Variants in ATG9B observed in about 807,000 individuals in gnomAD.
The protein encoded by ATG9B is autophagy related 9B, also known as autophagy-related protein 9B.
Under a neutral mutation model 92.9 loss-of-function variants are expected in ATG9B, and 92 were observed. The observed-to-expected ratio is 0.99, with a 90% CI of 0.84 to 1.18. The LOEUF is 1.18. Ranked by LOEUF, ATG9B falls within the 50% of genes most tolerant of loss-of-function variation. ATG9B has a pLI of 0.00. For synonymous variants in ATG9B, 599 were observed against 551.4 expected (o/e 1.09, Z -1.21); for missense variants, 1,344 against 1,235.0 (o/e 1.09, Z -1.32).
At position 151,019,207 on chromosome 7, in the gene ATG9B, C is replaced by CA; in HGVS notation, c.1130dup (p.Pro378AlafsTer87). The CA allele has an allele frequency of 1.3e-6, 2 of 1,539,748 alleles. No individual in the cohort carries two copies. The highest frequency in any genetic ancestry group is 1.7e-6 in the Non-Finnish European group (2 of 1,147,816). On this transcript the variant is annotated frameshift_variant, in exon 6 of 14. Transcript: ENST00000639579. LOFTEE classifies it high-confidence loss of function. ...CCCAGGGCAGCGGGCAGCGGGCCGG[C>CA]AGCAGGCCTTTGTTGGCCAGCGCCA...
chr7:151,021,236 G>C lies in ATG9B; in HGVS notation c.915C>G (p.Ser305Arg). ...QLLRSVCNLFSYWDIQVFYRE... is the reference protein window; with the variant it reads ...QLLRSVCNLFRYWDIQVFYRE... ...TGTAAAACACCTGGATGTCCCAGTA[G>C]CTGAAGAGGTTGCAGACTGAGCGAA... The change falls in exon 5 of 14, where the codon AGC becomes AGG. Residue 305 changes from serine to arginine, a missense_variant. Ser to Arg is a moderately radical substitution (Grantham distance 110, BLOSUM62 -1). Transcript: ENST00000639579. The C allele has an allele frequency of 6.2e-7, 1 of 1,613,576 alleles. No homozygotes were observed. The highest frequency in any genetic ancestry group is 8.5e-7 in the Non-Finnish European group (1 of 1,179,942).
chr7:151,023,263 G>T, intron 3 of ATG9B, 57 bp from the exon 4 acceptor site: 1 of 1,611,438 alleles, frequency 6.2e-7, no homozygotes, highest in Non-Finnish European at 8.5e-7. Context: ...CAGCCAGGTG[G>T]GCTCCTGCCC....
At chr7:151,013,440 C>G, downstream of ATG9B, 11 of 1,549,816 alleles carry the variant, frequency 7.1e-6, no homozygotes, top group Non-Finnish European at 8.7e-6. Context: ...AGGACTCGCG[C>G]TCTCCAGCGG....
chr7:151,018,276 C>A lies in ATG9B; in HGVS notation c.1872+18G>T, dbSNP rs764404748. 53 of 1,521,432 alleles carry A rather than the reference C, an allele frequency of 3.5e-5. 1 individual carries two copies. The South Asian group carries it at 6.1e-4, about 17-fold the overall frequency. 94.2% of individuals were successfully genotyped at this position (1,521,432 alleles called of 1,614,324 possible). ...CCCCACAACTTCCTCCTCAGCCCGC[C>A]GTCGCGCCCACCCTCACCGCTCGGT... On this transcript the variant is annotated intron_variant, in intron 7 of 13. Coordinates refer to ENST00000639579, the MANE Select transcript of ATG9B (RefSeq NM_001317056.2). The surrounding 1 kb of genome is among the most constrained non-coding windows in gnomAD (Gnocchi z 4.7).
At position 151,023,852 on chromosome 7, in the gene ATG9B, CCACCCA is replaced by C; in HGVS notation, c.550+16_550+21del. The C allele has an allele frequency of 6.2e-7, 1 of 1,609,880 alleles. No homozygotes were observed. The highest frequency in any genetic ancestry group is 8.5e-7 in the Non-Finnish European group (1 of 1,177,918). On this transcript the variant is annotated intron_variant, in intron 1 of 13. Coordinates refer to ENST00000639579, the MANE Select transcript of ATG9B (RefSeq NM_001317056.2). ...GCTCCCAGGCACCACTAACCCTCTC[CCACCCA>C]CACCCACACACATACCTCGGAGCCC...
Position 151,017,168 on chromosome 7 carries a change from G to A in ATG9B, c.2157C>T (p.Arg719=), listed in dbSNP as rs752808488. The change falls in exon 9 of 14, where the codon CGC becomes CGT. Residue 719 remains arginine (R), a synonymous_variant. Coordinates refer to ENST00000639579, the MANE Select transcript of ATG9B (RefSeq NM_001317056.2). ...MRFSLAHPLW[R]PPGHSSKFLG... ...GAAACTTAGAGCTGTGCCCTGGGGG[G>A]CGCCAGAGTGGATGCGCCAGGGAGA... 1 of 1,613,180 alleles carries A rather than the reference G, an allele frequency of 6.2e-7. No individual in the cohort carries two copies. The highest frequency in any genetic ancestry group is 8.5e-7 in the Non-Finnish European group (1 of 1,179,822).
At chr7:151,013,542 G>A (rs1795356551), downstream of ATG9B, 2 of 1,116,690 alleles carry the variant, frequency 1.8e-6, no homozygotes, top group South Asian at 3.2e-5. Flanking sequence ...GCCCCTCTAG[G>A]CCCGCCTCCT....
At chr7:151,014,352 C>T (rs942708871), downstream of ATG9B, 2 of 679,164 alleles carry the variant, frequency 2.9e-6, no homozygotes, top group African/African-American at 1.8e-5. Flanking sequence ...CTCTCTAGGC[C>T]TGTTGCCTCG....
At chr7:151,013,921 G>A (rs774606332), downstream of ATG9B, 14 of 1,598,386 alleles carry the variant, frequency 8.8e-6, no homozygotes, top group African/African-American at 1.9e-4. Flanking sequence ...TGCTGCGGGT[G>A]CGGAGGGGCG....
At chr7:151,022,984 G>T in intron 4 of ATG9B, 61 bp downstream of exon 4, 1 of 1,602,196 alleles carries the variant, frequency 6.2e-7, no homozygotes, top group Non-Finnish European at 8.5e-7. Flanking sequence ...TGGGGCTCCC[G>T]TCTACTCCTC....
rs781453631 is a variant in ATG9B, at chr7:151,021,224, G to A, written c.927C>T (p.Ile309=). Residue 309 remains isoleucine (I), a synonymous_variant, in exon 5 of 14, where the codon ATC becomes ATT. Transcript: ENST00000639579. ...SVCNLFSYWD[I]QVFYREALHI... is the part of the protein sequence containing the mutation. ...GCAGGGCCTCCCTGTAAAACACCTG[G>A]ATGTCCCAGTAGCTGAAGAGGTTGC... The A allele has an allele frequency of 5.0e-6, 8 of 1,613,404 alleles. No individual in the cohort carries two copies. Among genetic ancestry groups the A allele is most frequent in the Non-Finnish European group, 4.2e-6 (5 of 1,179,930 alleles).
At position 151,016,754 on chromosome 7, in the gene ATG9B, G is replaced by T; in HGVS notation, c.2357C>A (p.Ala786Asp). Residue 786 changes from alanine to aspartate, a missense_variant, in exon 10 of 14, where the codon GCC (alanine) becomes GAC (aspartate). By Grantham distance (126) the Ala-to-Asp change is moderately radical (BLOSUM62 -2). Transcript: ENST00000639579. ...GGCTGTGGCCGCAGCTGGACAGGGGGCTGTCGGGCTCAGATCTCTCGGAGG... is the reference window on the plus strand; with the variant it reads ...GGCTGTGGCCGCAGCTGGACAGGGGTCTGTCGGGCTCAGATCTCTCGGAGG... ...LLPPRDLSPT[A>D]PCPAAATASL... The T allele has an allele frequency of 6.2e-7, 1 of 1,612,994 alleles. No individual in the cohort carries two copies. The highest frequency in any genetic ancestry group is 1.1e-5 in the South Asian group (1 of 90,852).
Position 151,017,226 on chromosome 7 carries a change from T to TCCG in ATG9B, c.2096_2098dup (p.Ala699dup), listed in dbSNP as rs1182490947. The stretch of plus-strand genomic sequence containing the variant: ...CAAAGAAAGCTCAGTCTTGCCGTCC[T>TCCG]CCGCACGCTGAGACAGCGAGGCCTC... On this transcript the variant is annotated inframe_insertion, in exon 9 of 14. Transcript: ENST00000639579. 6.2e-7 allele frequency: 1 copy of TCCG among 1,610,212 alleles called. No individual in the cohort carries two copies. Among genetic ancestry groups the TCCG allele is most frequent in the Non-Finnish European group, 8.5e-7 (1 of 1,177,810 alleles).
chr7:151,021,152 CG>C, intron 5 of ATG9B, 35 bp downstream of exon 5: 10 of 1,609,288 alleles, frequency 6.2e-6, no homozygotes, highest in Non-Finnish European at 5.9e-6. Flanking sequence ...CACCCTCTCA[CG>C]GCACCCTCTG....
At position 151,019,047 on chromosome 7, in the gene ATG9B, G is replaced by C. The variant is rs1265344102; in HGVS notation, c.1291C>G (p.Leu431Val). ...ACTGTGCGCCCCCAGCGCGCTGCTA[G>C]GGCGCCCCGCTGGTCGCTGCGCTTG... Reference protein sequence around the residue: ...AYKRSDQRGALAARWGRTVLL... With the variant: ...AYKRSDQRGAVAARWGRTVLL... The change falls in exon 6 of 14, where the codon CTA becomes GTA. Residue 431 changes from leucine (L) to valine (V), a missense_variant. Leu to Val is a conservative substitution (Grantham distance 32, BLOSUM62 1). Transcript: ENST00000639579. 6.5e-7 allele frequency: 1 copy of C among 1,540,026 alleles called. No individual in the cohort carries two copies. Among genetic ancestry groups the C allele is most frequent in the Admixed American group, 2.0e-5 (1 of 50,910 alleles).
rs1210654015 is a variant in ATG9B at position 151,016,109 on chromosome 7, C to CTG, written c.2646_2647insCA (p.Gly883GlnfsTer28). ...CCCCTGCAGGCCCCACCCTCCTCACCGTCACTTGACCAGGATGGCTTCTCC... is the reference window on the plus strand; with the variant it reads ...CCCCTGCAGGCCCCACCCTCCTCACCTGGTCACTTGACCAGGATGGCTTCTCC... On this transcript the variant is annotated frameshift_variant and splice_region_variant, in exon 12 of 14. Coordinates refer to ENST00000639579, the MANE Select transcript of ATG9B (RefSeq NM_001317056.2). LOFTEE classifies it high-confidence loss of function. 3 of 1,537,196 alleles carry CTG rather than the reference C, an allele frequency of 2.0e-6. No homozygotes were observed. The highest frequency in any genetic ancestry group is 2.6e-6 in the Non-Finnish European group (3 of 1,138,740).
chr7:151,016,319 G>T, intron 11 of ATG9B, 84 bp from the exon 12 acceptor site: 1 of 1,480,304 alleles, frequency 6.8e-7, no homozygotes, highest in Non-Finnish European at 9.0e-7. Context: ...GGGCTTTTCA[G>T]CCTCCTCCTG....
At position 151,023,157 on chromosome 7, in the gene ATG9B, C is replaced by A; in HGVS notation, c.709G>T (p.Asp237Tyr). 6.2e-7 allele frequency: 1 copy of A among 1,614,138 alleles called. No homozygotes were observed. The highest frequency in any genetic ancestry group is 8.5e-7 in the Non-Finnish European group (1 of 1,180,026). Reference protein sequence around the residue: ...TFTTFLLRCVDYNVLFANQPS... With the variant: ...TFTTFLLRCVYYNVLFANQPS... ...TGGTTGGCAAAGAGAACATTGTAAT[C>A]CACGCATCGAAGGAGGAAGGTTGTG... The change falls in exon 4 of 14, where the codon GAT becomes TAT. Residue 237 changes from aspartate to tyrosine, a missense_variant. Physicochemically the swap from Asp to Tyr is radical, Grantham distance 160 (BLOSUM62 -3). Transcript: ENST00000639579.
chr7:151,014,018 G>A (rs765760159), downstream of ATG9B: 30 of 1,612,668 alleles, frequency 1.9e-5, no homozygotes, highest in Non-Finnish European at 2.5e-5. Flanking sequence ...GATCAGCAAC[G>A]CTACCACGAA....
Sources: gnomAD v4.1 joint callset for allele counts on GRCh38, gnomAD v4.1.1 for gene constraint, Gnocchi (gnomAD v3.1) non-coding constraint, MANE v1.5 for transcripts, NCBI Gene and HGNC (gene_info 2026-07-23, HGNC 2026-07-21) for gene names.